The following DNAI7 variants were observed in gnomAD, a reference collection of about 807,000 sequenced individuals.
DNAI7 encodes cancer susceptibility 1.
A neutral mutation model predicts 86.6 loss-of-function variants in DNAI7; 78 were observed. The observed-to-expected ratio is 0.90, with a 90% CI of 0.75 to 1.09. DNAI7 has a LOEUF of 1.09. Among genes scored for constraint, DNAI7 ranks in the 50% least tolerant of loss-of-function variants. DNAI7 has a pLI of 0.00. For missense variants in DNAI7, 753 were observed against 810.2 expected (o/e 0.93, Z 0.86); for synonymous variants, 274 against 273.0 (o/e 1.00, Z -0.04).
At chr12:25,151,389 T>C (rs1490887735) in intron 6 of DNAI7, among the ~76,000 whole-genome samples, 2 of 152,238 alleles carry the variant, frequency 1.3e-5, no homozygotes, top group East Asian at 1.9e-4. Context: ...CTTCTGTTAC[T>C]GCTATCCAAC....
intron 2 of DNAI7, among the ~76,000 whole-genome samples, chr12:25,165,630 G>A (rs1016912889): frequency 1.3e-5 from 2 of 151,894 alleles, no homozygotes; most frequent in African/African-American, 2.4e-5. Flanking sequence ...GACTGACACT[G>A]CCCAATTGCC....
intron 2 of DNAI7, among the ~76,000 whole-genome samples, chr12:25,179,777 A>G (rs1949325766): frequency 6.6e-6 from 1 of 152,058 alleles, no homozygotes; most frequent in Admixed American, 6.5e-5. Flanking sequence ...TAGGTATCAA[A>G]TGAACATATC....
chr12:25,158,427 C>T (rs1266565293), intron 4 of DNAI7, 45 bp downstream of exon 4: 1 of 1,445,412 alleles, frequency 6.9e-7, no homozygotes, highest in African/African-American at 1.4e-5. Context: ...AATCTGATAG[C>T]CATAGTTTAA....
intron 1 of DNAI7, among the ~76,000 whole-genome samples, chr12:25,194,031 A>G (rs1295155421): frequency 1.3e-5 from 2 of 152,116 alleles, no homozygotes; most frequent in African/African-American, 4.8e-5. Flanking sequence ...CATGTTGACC[A>G]GGCTGGTCTC....
At chr12:25,171,463 G>A (rs768499187) in intron 2 of DNAI7, among the ~76,000 whole-genome samples, 4 of 151,978 alleles carry the variant, frequency 2.6e-5, no homozygotes, top group Admixed American at 2.0e-4. Flanking sequence ...CAAGCAATGA[G>A]ATTGAAATGG....
rs987558797 is a variant in DNAI7 at position 25,114,733 on chromosome 12, C to T, written c.1534G>A (p.Glu512Lys). 2.5e-6 allele frequency: 4 copies of T among 1,613,842 alleles called. No homozygotes were observed. Among genetic ancestry groups the T allele is most frequent in the South Asian group, 1.1e-5 (1 of 91,060 alleles). Residue 512 changes from glutamate to lysine, a missense_variant, in exon 13 of 16, where the codon GAA becomes AAA. Transcript: ENST00000395987. ...TTATTTACATCAAGTGGTCTTAGTT[C>T]CCATGACTGGTACGGCATGTTAATA... Reference protein sequence around the residue: ...AHINMPYQSWELRPLDVNKVL... With the variant: ...AHINMPYQSWKLRPLDVNKVL...
At chr12:25,145,107 T>C (rs565816083) in intron 8 of DNAI7, among the ~76,000 whole-genome samples, 1 of 152,196 alleles carries the variant, frequency 6.6e-6, no homozygotes, top group African/African-American at 2.4e-5. Flanking sequence ...AGGAGTATGA[T>C]GCATCTCTGA....
At chr12:25,151,232 T>C (rs1232910465) in intron 6 of DNAI7, among the ~76,000 whole-genome samples, 2 of 152,110 alleles carry the variant, frequency 1.3e-5, no homozygotes, top group East Asian at 1.9e-4. Flanking sequence ...ATTGGAAAAA[T>C]GGGGTTTTTA....
chr12:25,181,572 A>G (rs897092592), intron 2 of DNAI7, among the ~76,000 whole-genome samples: 1 of 152,268 alleles, frequency 6.6e-6, no homozygotes, highest in Non-Finnish European at 1.5e-5. Flanking sequence ...GAGCTTCTGC[A>G]TAGCAAAAGA....
chr12:25,144,706 G>A, intron 8 of DNAI7, 29 bp from the exon 9 acceptor site: 1 of 1,539,628 alleles, frequency 6.5e-7, no homozygotes, highest in Non-Finnish European at 8.9e-7. Flanking sequence ...AACAAAAAAA[G>A]ATGAGACCCT....
At chr12:25,134,395 C>T (rs986485012) in intron 9 of DNAI7, among the ~76,000 whole-genome samples, 2 of 112,720 alleles carry the variant, frequency 1.8e-5, no homozygotes, top group Non-Finnish European at 3.3e-5. Flanking sequence ...CTCACTCTGT[C>T]GCCCAGGCTA....
chr12:25,114,842 G>C lies in DNAI7; in HGVS notation c.1425C>G (p.Ser475Arg), dbSNP rs757967839. The C allele has an allele frequency of 1.2e-6, 2 of 1,613,536 alleles. No individual in the cohort carries two copies. Among genetic ancestry groups the C allele is most frequent in the Non-Finnish European group, 8.5e-7 (1 of 1,179,600 alleles). The stretch of plus-strand genomic sequence containing the variant: ...TTTCTTTTGGTTTGTAGGATACATT[G>C]CTGATGCCATCAGTTCTCCAATGTT... ...EGKHWRTDGI[S>R]NVSYKPKERL... The change falls in exon 13 of 16, where the codon AGC becomes AGG. Residue 475 changes from serine to arginine, a missense_variant. By Grantham distance (110) the Ser-to-Arg change is moderately radical (BLOSUM62 -1). Coordinates refer to ENST00000395987, the MANE Select transcript of DNAI7 (RefSeq NM_018272.5).
intron 11 of DNAI7, among the ~76,000 whole-genome samples, chr12:25,121,157 C>T (rs1941234574): frequency 6.6e-6 from 1 of 152,158 alleles, no homozygotes; most frequent in Non-Finnish European, 1.5e-5. Context: ...AGGTGGGGCT[C>T]ATTAATTTGC....
At chr12:25,174,582 C>CATATATATGGGATATATATG (rs1948700802) in intron 2 of DNAI7, among the ~76,000 whole-genome samples, 1 of 54,856 alleles carries the variant, frequency 1.8e-5, no homozygotes, top group Non-Finnish European at 3.5e-5. Context: ...GGATATATAT[C>CATATATATGGGATATATATG]ATATATATGG....
chr12:25,149,495 T>C (rs1945245584), intron 7 of DNAI7, 133 bp downstream of exon 7: 2 of 616,406 alleles, frequency 3.2e-6, no homozygotes, highest in Non-Finnish European at 5.6e-6. Context: ...TGGATAAATA[T>C]ATGTACTCTA....
At chr12:25,118,083 GC>G (rs1940527358) in intron 12 of DNAI7, among the ~76,000 whole-genome samples, 1 of 151,548 alleles carries the variant, frequency 6.6e-6, no homozygotes, top group African/African-American at 2.4e-5. Context: ...ACAGGCATGT[GC>G]CACCATGCCC....
At chr12:25,185,598 C>A (rs548384402) in intron 2 of DNAI7, among the ~76,000 whole-genome samples, 1 of 152,332 alleles carries the variant, frequency 6.6e-6, no homozygotes, top group African/African-American at 2.4e-5. Context: ...ATGTTCATGG[C>A]AACCTATCTC....
chr12:25,129,321 T>G (rs577074659), intron 9 of DNAI7, among the ~76,000 whole-genome samples: 1 of 152,322 alleles, frequency 6.6e-6, no homozygotes, highest in Non-Finnish European at 1.5e-5. Flanking sequence ...GTATGTAAAT[T>G]ATGAGAGAAG....
chr12:25,161,258 C>A (rs1361389952), intron 2 of DNAI7, 61 bp from the exon 3 acceptor site: 1 of 1,358,762 alleles, frequency 7.4e-7, no homozygotes, highest in South Asian at 1.2e-5. Flanking sequence ...AAAAACACAT[C>A]TTTTCAAATA....
Sources: gnomAD v4.1 joint callset for allele counts (sites outside exome capture counted in the v4.1 genomes callset) on GRCh38, gnomAD v4.1.1 for gene constraint, MANE v1.5 for transcripts, NCBI Gene and HGNC (gene_info 2026-07-23, HGNC 2026-07-21) for gene names.